SPAG4: variants seen among roughly 807,000 people sequenced by gnomAD.
SPAG4 encodes sperm-associated antigen 4 protein.
SPAG4 carries 54 observed loss-of-function variants against 53.9 expected under a neutral mutation model. That is an observed-to-expected ratio of 1.00 (90% CI 0.80 to 1.26). The LOEUF (loss-of-function observed/expected upper bound fraction) is 1.26, where lower values mean the gene tolerates loss of function less well. SPAG4 is among the 50% of genes most tolerant of loss of function. The pLI, the probability that SPAG4 is intolerant of heterozygous loss-of-function variation, is 0.00. For synonymous variants in SPAG4, 246 were observed against 237.4 expected, an observed-to-expected ratio of 1.04 and a Z score of -0.33; for missense variants, 548 against 568.6, an observed-to-expected ratio of 0.96 and a Z score of 0.37.
At chr20:35,620,808 G>GT (rs748651868) in intron 11 of SPAG4, 35 bp downstream of exon 11, 34 of 1,613,246 alleles carry the variant, frequency 2.1e-5, no homozygotes, top group Non-Finnish European at 2.8e-5. Flanking sequence ...TGCCAAGGGA[G>GT]TGGGGCAGTG....
chr20:35,617,594 G>T lies in SPAG4; in HGVS notation c.476+8G>T. 1 of 1,608,976 alleles carries T rather than the reference G, an allele frequency of 6.2e-7. No homozygotes were observed. The highest frequency in any genetic ancestry group is 1.3e-5 in the African/African-American group (1 of 75,010). On this transcript the variant is annotated splice_region_variant and intron_variant, in intron 3 of 11. Transcript: ENST00000374273. ...GCTGGTCAGCATGTACAGGTCAGAG[G>T]AAGGGACGCTGGCGCCCCAGGAACA...
Position 35,615,916 on chromosome 20 carries a change from G to A in SPAG4, c.-88G>A, listed in dbSNP as rs1166979745. 4 of 1,372,554 alleles carry A rather than the reference G, an allele frequency of 2.9e-6. No individual in the cohort carries two copies. In the African/African-American group the frequency reaches 4.5e-5, roughly 15 times the overall value. The allele number at this position is 1,372,554 out of a possible 1,614,324, so 85.0% of individuals were successfully genotyped here. ...TTCACGCAGGGTCCGTGGGGTCCCC[G>A]CGGCGCGCAGCGGCTGAAGGAGGCC... is the stretch of plus-strand genomic sequence containing the variant. On this transcript the variant is annotated 5_prime_UTR_variant, in exon 1 of 12. Transcript: ENST00000374273.
At position 35,618,609 on chromosome 20, in the gene SPAG4, C is replaced by T. The variant is rs1178069902; in HGVS notation, c.609-3C>T. The T allele has an allele frequency of 1.9e-6, 3 of 1,599,522 alleles. No homozygotes were observed. Among genetic ancestry groups the T allele is most frequent in the Non-Finnish European group, 2.6e-6 (3 of 1,173,124 alleles). On this transcript the variant is annotated splice_region_variant and splice_polypyrimidine_tract_variant and intron_variant, in intron 6 of 11. Transcript: ENST00000374273. ...CCCCACGGCGCCCACCTCCCACCTCCAGTGAGTACCACGAGCGCGTGCGCT... is the reference window on the plus strand; with the variant it reads ...CCCCACGGCGCCCACCTCCCACCTCTAGTGAGTACCACGAGCGCGTGCGCT...
chr20:35,617,448 C>T, intron 2 of SPAG4, 72 bp from the exon 3 acceptor site: 1 of 1,408,148 alleles, frequency 7.1e-7, no homozygotes. Flanking sequence ...CTTCTGAACC[C>T]GGACACCACG....
intron 10 of SPAG4, 143 bp from the exon 11 acceptor site, chr20:35,620,541 A>G: frequency 1.6e-6 from 1 of 615,784 alleles, no homozygotes; most frequent in East Asian, 2.7e-5. Flanking sequence ...TCTGAATTAC[A>G]GTGTACGACC....
intron 10 of SPAG4, 25 bp downstream of exon 10, chr20:35,619,771 T>G: frequency 6.3e-7 from 1 of 1,589,190 alleles, no homozygotes; most frequent in Non-Finnish European, 8.6e-7. Context: ...GGTCAGGAGG[T>G]GGGGGATTTT....
intron 2 of SPAG4, 46 bp from the exon 3 acceptor site, chr20:35,617,474 C>A (rs1392675575): frequency 6.5e-7 from 1 of 1,536,608 alleles, no homozygotes; most frequent in East Asian, 2.4e-5. Flanking sequence ...TGAGCCCCGC[C>A]TCTCCCTGCC....
chr20:35,620,627 C>T, intron 10 of SPAG4, 57 bp from the exon 11 acceptor site: 4 of 396,766 alleles, frequency 1.0e-5, no homozygotes, highest in South Asian at 2.1e-5. Context: ...CTTCTCCCCG[C>T]CCCCCCCGCC....
Position 35,618,724 on chromosome 20 carries a change from A to G in SPAG4, c.717+4A>G, listed in dbSNP as rs1205344365. 6.4e-7 allele frequency: 1 copy of G among 1,569,840 alleles called. No homozygotes were observed. The highest frequency in any genetic ancestry group is 8.7e-7 in the Non-Finnish European group (1 of 1,154,514). ...TGTTCGGGCAGCCAACAGCGAGGTG[A>G]GCCCCGGCCCACCTTGGAAACCCCT... On this transcript the variant is annotated splice_donor_region_variant and intron_variant, in intron 7 of 11. Transcript: ENST00000374273.
chr20:35,617,295 C>G, intron 2 of SPAG4, 55 bp downstream of exon 2: 1 of 1,259,566 alleles, frequency 7.9e-7, no homozygotes, highest in Non-Finnish European at 1.1e-6. Context: ...CCTCTCCGAA[C>G]TCCAGTTCTC....
intron 8 of SPAG4, 38 bp from the exon 9 acceptor site, chr20:35,619,157 G>T (rs910450794): frequency 3.7e-6 from 5 of 1,369,656 alleles, no homozygotes; most frequent in Non-Finnish European, 5.0e-6. Context: ...TCCCGGCAAG[G>T]CCTGGGAGCC....
At chr20:35,619,129 G>A (rs920019692) in intron 8 of SPAG4, 66 bp from the exon 9 acceptor site, 9 of 391,394 alleles carry the variant, frequency 2.3e-5, no homozygotes, top group Non-Finnish European at 3.2e-5. Flanking sequence ...CCCAGCCCCC[G>A]CGCCCCCGCG....
At chr20:35,617,653 C>T (rs145159253) in intron 3 of SPAG4, 67 bp downstream of exon 3, 45 of 1,588,970 alleles carry the variant, frequency 2.8e-5, no homozygotes, top group African/African-American at 2.8e-4. Context: ...AGGGCCGGAA[C>T]CTTGCTGGCG....
chr20:35,617,996 AC>A, intron 4 of SPAG4, 90 bp from the exon 5 acceptor site: 1 of 1,447,582 alleles, frequency 6.9e-7, no homozygotes, highest in Non-Finnish European at 9.6e-7. Context: ...CCCAGGCTTA[AC>A]CCCCTCAAGC....
rs757039300 is a variant in SPAG4 at position 35,619,182 on chromosome 20, C to A, written c.794-13C>A. On this transcript the variant is annotated splice_polypyrimidine_tract_variant and intron_variant, in intron 8 of 11. Coordinates refer to ENST00000374273, the MANE Select transcript of SPAG4 (RefSeq NM_003116.3). The stretch of plus-strand genomic sequence containing the variant: ...GCCTGGGAGCCTCTGAGGGTTACTT[C>A]TCACTGTTCCAGGAGCCTCCATCGA... 17 of 1,560,942 alleles carry A rather than the reference C, an allele frequency of 1.1e-5. No homozygotes were observed. The highest frequency in any genetic ancestry group is 3.4e-4 in the Middle Eastern group (2 of 5,828).
chr20:35,617,649 G>A lies in SPAG4; in HGVS notation c.476+63G>A, dbSNP rs546846356. ...TTTGGAGGGGGTGGGGAGCAGGGCC[G>A]GAACCTTGCTGGCGCTTGAGCCGAT... On this transcript the variant is annotated intron_variant, in intron 3 of 11. Coordinates refer to ENST00000374273, the MANE Select transcript of SPAG4 (RefSeq NM_003116.3). The A allele has an allele frequency of 2.1e-5, 33 of 1,587,708 alleles. No individual in the cohort carries two copies. The Admixed American group carries it at 5.4e-4, about 26-fold the overall frequency.
At chr20:35,620,635 G>A (rs201205266) in intron 10 of SPAG4, 49 bp from the exon 11 acceptor site, 23 of 337,508 alleles carry the variant, frequency 6.8e-5, no homozygotes, top group East Asian at 1.2e-4. Flanking sequence ...CGCCCCCCCC[G>A]CCCCACCTGT....
rs764070713 is a variant in SPAG4, at chr20:35,615,985, TAGGCAGC to T, written c.-15_-9del. The stretch of plus-strand genomic sequence containing the variant: ...CAGCGGCGGCTTTAGCGTCAGTGAC[TAGGCAGC>T]AGGGGGTCAGGATGCGGCGAAGCTC... On this transcript the variant is annotated 5_prime_UTR_variant, in exon 1 of 12. Transcript: ENST00000374273. 3 of 1,608,378 alleles carry T rather than the reference TAGGCAGC, an allele frequency of 1.9e-6. No homozygotes were observed. The Admixed American group carries it at 5.0e-5, about 27-fold the overall frequency.
Position 35,618,143 on chromosome 20 carries a change from G to C in SPAG4, c.582+13G>C, listed in dbSNP as rs373999970. On this transcript the variant is annotated intron_variant, in intron 5 of 11. Coordinates refer to ENST00000374273, the MANE Select transcript of SPAG4 (RefSeq NM_003116.3). ...TCCTTTGGAGAATGTGAGTTGGGGAGACTGTCTTGGGGTAGGGGGTTGGCA... is the reference window on the plus strand; with the variant it reads ...TCCTTTGGAGAATGTGAGTTGGGGACACTGTCTTGGGGTAGGGGGTTGGCA... The C allele has an allele frequency of 2.5e-6, 4 of 1,613,032 alleles. No individual in the cohort carries two copies. In the African/African-American group the frequency reaches 5.3e-5, roughly 22 times the overall value.
Sources: allele counts gnomAD v4.1 joint callset, GRCh38; gene constraint gnomAD v4.1.1; transcripts MANE v1.5; gene names NCBI Gene and HGNC (gene_info 2026-07-23, HGNC 2026-07-21).